The following PCDHGB5 variants were observed in gnomAD, a reference collection of about 807,000 sequenced individuals.
PCDHGB5 encodes the protein protocadherin gamma subfamily B, 5, also known as protocadherin gamma-B5.
PCDHGB5 carries 48 observed loss-of-function variants against 62.9 expected under a neutral mutation model. The ratio of observed to expected loss-of-function variants is 0.76; its 90% CI spans 0.61 to 0.97. The LOEUF (loss-of-function observed/expected upper bound fraction) is 0.97. Ranked by LOEUF, PCDHGB5 falls within the 50% of genes least tolerant of loss-of-function variation. PCDHGB5 has a pLI of 0.00. For synonymous variants in PCDHGB5, 474 were observed against 511.2 expected, an observed-to-expected ratio of 0.93 and a Z score of 0.98; for missense variants, 1,118 against 1,198.6, an observed-to-expected ratio of 0.93 and a Z score of 0.99.
chr5:141,459,886 G>A (rs932435611), intron 1 of PCDHGB5, among the ~76,000 whole-genome samples: 2 of 152,080 alleles, frequency 1.3e-5, no homozygotes, highest in Non-Finnish European at 2.9e-5. Context: ...TGAGCTGAAC[G>A]CCTTCTTAAA....
At chr5:141,403,171 G>C (rs542727163) in intron 1 of PCDHGB5, 1 of 1,614,042 alleles carries the variant, frequency 6.2e-7, no homozygotes, top group Admixed American at 1.7e-5. Flanking sequence ...GTAGGACGCA[G>C]CTTTTCTCTC....
chr5:141,487,905 G>C lies in PCDHGB5; in HGVS notation c.2398-6902G>C. The C allele has an allele frequency of 1.5e-6, 1 of 686,388 alleles. No individual in the cohort carries two copies. 42.5% of individuals were successfully genotyped at this position (686,388 alleles called of 1,614,324 possible). On this transcript the variant is annotated intron_variant, in intron 1 of 3. Transcript: ENST00000617380. This position sits in a 1 kb window ranked among gnomAD's most constrained non-coding sequence, Gnocchi z 5.0. ...GTGGAAGCATGATGATGGAATGTGG[G>C]AGCACAGGAGGCTACAGTGCACAGG...
intron 1 of PCDHGB5, among the ~76,000 whole-genome samples, chr5:141,407,487 C>T (rs928735518): frequency 7.0e-6 from 1 of 142,894 alleles, no homozygotes; most frequent in African/African-American, 2.6e-5. Context: ...TATGGAAAAT[C>T]TTTATTTCTG....
At chr5:141,460,438 T>A (rs1035541143) in intron 1 of PCDHGB5, among the ~76,000 whole-genome samples, 16 of 152,172 alleles carry the variant, frequency 1.1e-4, no homozygotes, top group African/African-American at 3.1e-4. Flanking sequence ...TGGTGTGAGG[T>A]AACAATGAAG....
intron 1 of PCDHGB5, chr5:141,414,601 T>A: frequency 6.2e-7 from 1 of 1,613,944 alleles, no homozygotes; most frequent in Non-Finnish European, 8.5e-7. Flanking sequence ...TGCCTCCATC[T>A]TCTCAGTGAC....
chr5:141,405,346 G>C (rs184640789), intron 1 of PCDHGB5: 4 of 1,614,108 alleles, frequency 2.5e-6, no homozygotes, highest in Non-Finnish European at 3.4e-6. Context: ...TTGATTCCAA[G>C]TTTCCTATAG....
chr5:141,469,697 T>G (rs2154570403), intron 1 of PCDHGB5, among the ~76,000 whole-genome samples: 1 of 152,392 alleles, frequency 6.6e-6, no homozygotes, highest in African/African-American at 2.4e-5. Context: ...TCCTATGACC[T>G]AGTAATCACA....
At chr5:141,418,563 C>A (rs2096269554) in intron 1 of PCDHGB5, 2 of 1,613,998 alleles carry the variant, frequency 1.2e-6, no homozygotes, top group Non-Finnish European at 1.7e-6. Context: ...GTAATAGATG[C>A]CAATGACAAC....
At chr5:141,409,317 G>A in intron 1 of PCDHGB5, 2 of 1,613,940 alleles carry the variant, frequency 1.2e-6, no homozygotes, top group Non-Finnish European at 1.7e-6. Flanking sequence ...TTCAAAACAC[G>A]GGATCTGGAT....
At position 141,404,906 on chromosome 5, in the gene PCDHGB5, C is replaced by A. The variant is rs776779922; in HGVS notation, c.2397+4382C>A. 1 of 1,613,864 alleles carries A rather than the reference C, an allele frequency of 6.2e-7. No homozygotes were observed. The highest frequency in any genetic ancestry group is 8.5e-7 in the Non-Finnish European group (1 of 1,179,858). ...GGTGGCTGTACAGGACCATGGCCAGCCCCCTCTCTCGGCCACTGTCACGCT... is the reference window on the plus strand; with the variant it reads ...GGTGGCTGTACAGGACCATGGCCAGACCCCTCTCTCGGCCACTGTCACGCT... On this transcript the variant is annotated intron_variant, in intron 1 of 3. Transcript: ENST00000617380.
rs370090713 is a variant in PCDHGB5, at chr5:141,399,279, C to G, written c.1152C>G (p.Gly384=). 1.2e-6 allele frequency: 2 copies of G among 1,613,694 alleles called. No homozygotes were observed. The highest frequency in any genetic ancestry group is 1.7e-6 in the Non-Finnish European group (2 of 1,179,730). Residue 384 remains glycine (G), a synonymous_variant, in exon 1 of 4, where the codon GGC becomes GGG. Coordinates refer to ENST00000617380, the MANE Select transcript of PCDHGB5 (RefSeq NM_018925.3). ...GGGAGGTTAATTGTCAATTACAAGG[C>G]GAAGTCCCTTTTAAGATTATCTCTT... is the stretch of plus-strand genomic sequence containing the variant. The part of the protein sequence containing the change: ...ENGEVNCQLQ[G]EVPFKIISSS...
intron 1 of PCDHGB5, among the ~76,000 whole-genome samples, chr5:141,450,099 C>T (rs2098669229): frequency 6.6e-6 from 1 of 151,500 alleles, no homozygotes; most frequent in African/African-American, 2.4e-5. Flanking sequence ...CTCCGCCTCC[C>T]AGGTTCAAAT....
intron 1 of PCDHGB5, chr5:141,420,357 C>A: frequency 7.3e-7 from 1 of 1,376,278 alleles, no homozygotes; most frequent in East Asian, 2.6e-5. Flanking sequence ...TTTTAAGATT[C>A]TAGATAACTT....
chr5:141,479,939 A>G (rs763454741), intron 1 of PCDHGB5, among the ~76,000 whole-genome samples: 2 of 152,004 alleles, frequency 1.3e-5, no homozygotes, highest in Non-Finnish European at 2.9e-5. Flanking sequence ...ATTGCTATCA[A>G]CTCTTGGATT....
rs775775135 is a variant in PCDHGB5 at position 141,400,234 on chromosome 5, G to GTTGCCTTGCGCCTCC, written c.2108_2109insTGCCTTGCGCCTCCT (p.Val703_Ile704insAlaLeuArgLeuLeu). The GTTGCCTTGCGCCTCC allele has an allele frequency of 3.1e-6, 5 of 1,613,868 alleles. No homozygotes were observed. In the East Asian group the frequency reaches 1.1e-4, roughly 36 times the overall value. On this transcript the variant is annotated inframe_insertion, in exon 1 of 4. Transcript: ENST00000617380. ...GATCTCAGTGCTCTTCCTCCTGGCC[G>GTTGCCTTGCGCCTCC]TGATTCTGGCCGTTGCCTTGCGCCT...
chr5:141,400,743 C>G (rs1404866842), intron 1 of PCDHGB5: 1 of 611,332 alleles, frequency 1.6e-6, no homozygotes, highest in Non-Finnish European at 2.8e-6. Flanking sequence ...AGAGTTTGCT[C>G]TTAGCTTCCT....
Position 141,490,693 on chromosome 5 carries a change from G to C in PCDHGB5, c.2398-4114G>C. 2 of 1,614,170 alleles carry C rather than the reference G, an allele frequency of 1.2e-6. No homozygotes were observed. Among genetic ancestry groups the C allele is most frequent in the Non-Finnish European group, 1.7e-6 (2 of 1,180,018 alleles). ...GGCTGCCTCAGATCCAGACACTGGG[G>C]ATAATGCCCGCCTCACCTACTCCAT... is the stretch of plus-strand genomic sequence containing the variant. On this transcript the variant is annotated intron_variant, in intron 1 of 3. Coordinates refer to ENST00000617380, the MANE Select transcript of PCDHGB5 (RefSeq NM_018925.3). This position sits in a 1 kb window ranked among gnomAD's most constrained non-coding sequence, Gnocchi z 5.4.
chr5:141,506,277 T>C (rs905595521), intron 3 of PCDHGB5, among the ~76,000 whole-genome samples: 1 of 152,050 alleles, frequency 6.6e-6, no homozygotes. Flanking sequence ...AGTGAAACCC[T>C]GTCTCTACTA....
At chr5:141,478,039 G>A (rs764777183) in intron 1 of PCDHGB5, 29 of 1,613,978 alleles carry the variant, frequency 1.8e-5, no homozygotes, top group Non-Finnish European at 2.5e-5. Flanking sequence ...ATTCACCCAG[G>A]CAGACTCTCA....
Sources: allele counts gnomAD v4.1 joint callset (sites outside exome capture counted in the v4.1 genomes callset), GRCh38; gene constraint gnomAD v4.1.1; non-coding constraint Gnocchi (gnomAD v3.1); transcripts MANE v1.5; gene names NCBI Gene and HGNC (gene_info 2026-07-23, HGNC 2026-07-21).